The following CACNA1A variants were observed in gnomAD, a reference collection of about 807,000 sequenced individuals.
CACNA1A encodes the protein voltage-dependent P/Q-type calcium channel subunit alpha-1A.
A neutral mutation model predicts 262.4 loss-of-function variants in CACNA1A; 57 were observed. The observed-to-expected ratio is 0.22, with a 90% confidence interval of 0.18 to 0.27. The LOEUF is 0.27. CACNA1A is among the 10% of genes least tolerant of loss of function. The pLI, the probability that CACNA1A is intolerant of heterozygous loss-of-function variation, is 1.00. For missense variants in CACNA1A, 2,526 were observed against 3,562.8 expected (o/e 0.71, Z 7.41); for synonymous variants, 1,431 against 1,419.3 (o/e 1.01, Z -0.18).
intron 2 of CACNA1A, 101 bp downstream of exon 2, chr19:13,455,006 G>A: frequency 1.6e-6 from 1 of 643,720 alleles, no homozygotes; most frequent in South Asian, 2.0e-5. Context: ...CTGGCTCTGG[G>A]CTCCAGGACT....
chr19:13,208,679 G>T, intron 46 of CACNA1A, 77 bp downstream of exon 46: 1 of 1,456,040 alleles, frequency 6.9e-7, no homozygotes, highest in Non-Finnish European at 9.1e-7. Context: ...TAGAGTGGCT[G>T]TTGGATGGGG....
At chr19:13,409,164 A>G (rs1378337265) in intron 3 of CACNA1A, among the ~76,000 whole-genome samples, 1 of 152,030 alleles carries the variant, frequency 6.6e-6, no homozygotes, top group Admixed American at 6.6e-5. Flanking sequence ...GACGCTTTGG[A>G]ACTTTGCTTT....
Position 13,285,100 on chromosome 19 carries a change from A to C in CACNA1A, c.3660T>G (p.Tyr1220Ter), listed in dbSNP as rs1190286055. 1 of 1,613,824 alleles carries C rather than the reference A, an allele frequency of 6.2e-7. No homozygotes were observed. Among genetic ancestry groups the C allele is most frequent in the African/African-American group, 1.3e-5 (1 of 74,916 alleles). The change falls in exon 21 of 47, where the codon TAT becomes TAG. Residue 1220 changes from tyrosine to a stop codon, truncating the protein, a stop_gained. Coordinates refer to ENST00000360228, the MANE Select transcript of CACNA1A (RefSeq NM_001127222.2). LOFTEE classifies it high-confidence loss of function. ...TCGTGGACAGGATGAACATGGAGCT[A>C]TAGGGAGGCATTGGCTTAGGGCCGT... is the stretch of plus-strand genomic sequence containing the variant. ...GEDGPKPMPP[Y>*]SSMFILSTTN...
intron 3 of CACNA1A, among the ~76,000 whole-genome samples, chr19:13,449,053 A>C (rs1219063138): frequency 6.6e-6 from 1 of 151,270 alleles, no homozygotes; most frequent in Non-Finnish European, 1.5e-5. Flanking sequence ...TGCAGCCTCG[A>C]CCTCCTGGGC....
At chr19:13,215,012 GTT>G (rs1264509488) in intron 38 of CACNA1A, 352 of 34,318 alleles carry the variant, frequency 0.01, 3 homozygotes, top group East Asian at 0.068. Flanking sequence ...GTGTGTGTGT[GTT>G]TTTTTTTTTT....
intron 1 of CACNA1A, among the ~76,000 whole-genome samples, chr19:13,485,697 T>C (rs983036745): frequency 1.3e-5 from 2 of 152,156 alleles, no homozygotes; most frequent in African/African-American, 4.8e-5. Flanking sequence ...AGGCTATAAC[T>C]TAAAAACCTG....
intron 26 of CACNA1A, 188 bp from the exon 27 acceptor site, chr19:13,259,889 C>CT (rs1325813522): frequency 1.6e-6 from 1 of 606,874 alleles, no homozygotes; most frequent in Non-Finnish European, 2.9e-6. Context: ...TGTGCATCTA[C>CT]TTTGAGATAA....
At chr19:13,359,853 T>G in intron 5 of CACNA1A, 54 bp from the exon 6 acceptor site, 6 of 1,244,144 alleles carry the variant, frequency 4.8e-6, no homozygotes, top group Non-Finnish European at 5.5e-6. Context: ...AAACCAGCTC[T>G]GAGAAATAGG....
intron 19 of CACNA1A, among the ~76,000 whole-genome samples, chr19:13,290,190 C>T (rs747064554): frequency 6.6e-6 from 1 of 151,832 alleles, no homozygotes; most frequent in African/African-American, 2.4e-5. Context: ...TTGGCCTTGG[C>T]CTCCCAAAGT....
intron 6 of CACNA1A, among the ~76,000 whole-genome samples, chr19:13,351,470 T>C (rs1390471744): frequency 6.6e-6 from 1 of 152,100 alleles, no homozygotes; most frequent in African/African-American, 2.4e-5. Flanking sequence ...GCCTCCCAAG[T>C]AGCTGGAACT....
chr19:13,261,346 A>G, intron 26 of CACNA1A, 104 bp downstream of exon 26: 2 of 1,019,392 alleles, frequency 2.0e-6, no homozygotes, highest in Non-Finnish European at 2.9e-6. Flanking sequence ...TCCAAGGCTC[A>G]TCACTTCTCC....
chr19:13,506,153 G>T lies in CACNA1A; in HGVS notation c.72C>A (p.Val24=), dbSNP rs773531250. 6.4e-7 allele frequency: 1 copy of T among 1,562,890 alleles called. No homozygotes were observed. The highest frequency in any genetic ancestry group is 1.2e-5 in the South Asian group (1 of 85,874). The change falls in exon 1 of 47, where the codon GTC becomes GTA. Residue 24 remains valine (V), a synonymous_variant. Coordinates refer to ENST00000360228, the MANE Select transcript of CACNA1A (RefSeq NM_001127222.2). ...GGGSGAAAGV[V]VGSGGGRGAG... ...CTCCTCGCCCGCCTCCGCTGCCCAC[G>T]ACCACCCCGGCGGCTGCCCCGGAGC...
chr19:13,406,160 G>A (rs2059998578), intron 3 of CACNA1A, among the ~76,000 whole-genome samples: 1 of 151,474 alleles, frequency 6.6e-6, no homozygotes, highest in African/African-American at 2.4e-5. Context: ...TATAAAAAAA[G>A]GTAATATAAA....
rs193179883 is a variant in CACNA1A at position 13,320,473 on chromosome 19, C to T, written c.1346-3152G>A. Among the ~76,000 whole-genome samples, 545 of 152,292 alleles carry T rather than the reference C, an allele frequency of 3.6e-3. 2 individuals are homozygous for T. Among genetic ancestry groups the T allele is most frequent in the Non-Finnish European group, 5.3e-3 (362 of 68,016 alleles). ...TAGCGTGATGCTAAGTGGTACCTTA[C>T]GATTATTGGATATAAATCTTCTAGT... On this transcript the variant is annotated intron_variant, in intron 10 of 46. Coordinates refer to ENST00000360228, the MANE Select transcript of CACNA1A (RefSeq NM_001127222.2).
intron 1 of CACNA1A, among the ~76,000 whole-genome samples, chr19:13,476,293 CT>C (rs1187913435): frequency 6.6e-6 from 1 of 152,196 alleles, no homozygotes; most frequent in East Asian, 1.9e-4. Context: ...AGAAGGGATC[CT>C]GGTTCTGCCA....
At chr19:13,293,831 C>CAA (rs2057599612) in intron 19 of CACNA1A, among the ~76,000 whole-genome samples, 2 of 112,884 alleles carry the variant, frequency 1.8e-5, no homozygotes, top group Admixed American at 1.1e-4. Context: ...AATGGAGGCC[C>CAA]AGAGAGGAGT....
intron 4 of CACNA1A, among the ~76,000 whole-genome samples, chr19:13,367,428 G>A (rs1029048637): frequency 2.0e-5 from 3 of 151,862 alleles, no homozygotes; most frequent in Admixed American, 2.0e-4. Flanking sequence ...AAAGATGGTG[G>A]TGAATAAGAA....
At chr19:13,237,949 G>T (rs751107238) in intron 31 of CACNA1A, among the ~76,000 whole-genome samples, 2 of 152,230 alleles carry the variant, frequency 1.3e-5, no homozygotes, top group Non-Finnish European at 2.9e-5. Flanking sequence ...AGCCTCAGGA[G>T]GGGGGTTTGG....
chr19:13,283,155 G>T, intron 22 of CACNA1A, 112 bp downstream of exon 22: 1 of 1,336,894 alleles, frequency 7.5e-7, no homozygotes, highest in Non-Finnish European at 1.0e-6. Context: ...TAAGGGCTAT[G>T]CCTAGGGGTG....
Sources: allele counts gnomAD v4.1 joint callset (sites outside exome capture counted in the v4.1 genomes callset), GRCh38; gene constraint gnomAD v4.1.1; transcripts MANE v1.5; gene names NCBI Gene and HGNC (gene_info 2026-07-23, HGNC 2026-07-21).